The following DAB1 variants were observed in gnomAD, a reference collection of about 807,000 sequenced individuals.
DAB1 encodes DAB adaptor protein 1.
A neutral mutation model predicts 64.6 loss-of-function variants in DAB1; 15 were observed. The observed-to-expected ratio is 0.23, with a 90% CI of 0.16 to 0.36. The LOEUF (loss-of-function observed/expected upper bound fraction) is 0.36. DAB1 is among the 10% of genes least tolerant of loss of function. The pLI is 1.00. For synonymous variants in DAB1, 235 were observed against 251.9 expected, an observed-to-expected ratio of 0.93 and a Z score of 0.64; for missense variants, 596 against 706.7, an observed-to-expected ratio of 0.84 and a Z score of 1.78.
intron 5 of DAB1, among the ~76,000 whole-genome samples, chr1:57,896,309 C>G (rs1405294388): frequency 1.3e-5 from 2 of 151,952 alleles, no homozygotes; most frequent in Non-Finnish European, 2.9e-5. Flanking sequence ...CATATACTCA[C>G]TAAGTGTACT....
At chr1:57,975,038 C>A (rs147182175) in intron 5 of DAB1, among the ~76,000 whole-genome samples, 4 of 152,252 alleles carry the variant, frequency 2.6e-5, no homozygotes, top group Admixed American at 6.5e-5. Flanking sequence ...GTGTCGAAAT[C>A]TTAACCCCCA....
chr1:58,000,328 T>C (rs1181628678), intron 5 of DAB1, among the ~76,000 whole-genome samples: 2 of 152,162 alleles, frequency 1.3e-5, no homozygotes, highest in Non-Finnish European at 2.9e-5. Flanking sequence ...AAAGAAAATA[T>C]CTGTATGGAC....
rs149647355 is a variant in DAB1 at position 58,207,526 on chromosome 1, C to T, written n.310-56938G>A. 3.0e-3 allele frequency among the ~76,000 whole-genome samples: 450 copies of T among 152,234 alleles called. 1 individual carries two copies. The highest frequency in any genetic ancestry group is 0.01 in the Middle Eastern group (3 of 292). On this transcript the variant is annotated intron_variant and non_coding_transcript_variant, in intron 4 of 20. Coordinates refer to the DAB1 transcript ENST00000485760. ...AATATACAGCCTAGAAGTCAGAGTC[C>T]CTACTTTTAAGTTATTTATGGTCCA...
rs35389880 is a variant in DAB1 at position 58,521,328 on chromosome 1, G to GAA, written n.107+5931_107+5932dup. Among the ~76,000 whole-genome samples, 26 of 146,224 alleles carry GAA rather than the reference G, an allele frequency of 1.8e-4. No individual in the cohort carries two copies. The South Asian group carries it at 2.3e-3, about 13-fold the overall frequency. On this transcript the variant is annotated intron_variant and non_coding_transcript_variant, in intron 2 of 20. Coordinates refer to the DAB1 transcript ENST00000485760. ...TGTACGGCCTTAAATGTATGTACTAGAAAAAAAAAAGAGTTTAAAATAAAT... is the reference window on the plus strand; with the variant it reads ...TGTACGGCCTTAAATGTATGTACTAGAAAAAAAAAAAAGAGTTTAAAATAAAT...
chr1:58,529,951 G>T (rs772516868), intron 1 of DAB1, among the ~76,000 whole-genome samples: 1 of 151,944 alleles, frequency 6.6e-6, no homozygotes, highest in Non-Finnish European at 1.5e-5. Context: ...CGCAATCTCG[G>T]CTCACAGCAA....
chr1:58,123,834 A>C (rs553215395), intron 5 of DAB1, among the ~76,000 whole-genome samples: 46 of 152,300 alleles, frequency 3.0e-4, no homozygotes, highest in Non-Finnish European at 5.4e-4. Flanking sequence ...GAGCAAAGGG[A>C]AATAATCATT....
intron 3 of DAB1, among the ~76,000 whole-genome samples, chr1:57,143,975 T>A (rs538031897): frequency 1.3e-5 from 2 of 151,654 alleles, no homozygotes; most frequent in Non-Finnish European, 2.9e-5. Flanking sequence ...TATTGTTAGA[T>A]GAAGGGGAAA....
Position 57,459,825 on chromosome 1 carries a change from G to A in DAB1, n.626-168659C>T, listed in dbSNP as rs140924918. Among the ~76,000 whole-genome samples the A allele has an allele frequency of 3.3e-5, 5 of 152,130 alleles. No individual in the cohort carries two copies. The East Asian group carries it at 5.8e-4, about 18-fold the overall frequency. On this transcript the variant is annotated intron_variant and non_coding_transcript_variant, in intron 7 of 20. Transcript: ENST00000485760. ...TCTCATTCTTCTTCCTGGAGCTAGC[G>A]TTGAGGAGAAGAAAACTATTTTAGT...
intron 2 of DAB1, among the ~76,000 whole-genome samples, chr1:57,169,826 C>T (rs1461449792): frequency 6.6e-6 from 1 of 152,008 alleles, no homozygotes; most frequent in Non-Finnish European, 1.5e-5. Flanking sequence ...TTAACTGACT[C>T]CTACCCTGCT....
chr1:58,444,048 G>A (rs1309480284), intron 3 of DAB1, among the ~76,000 whole-genome samples: 2 of 152,172 alleles, frequency 1.3e-5, no homozygotes, highest in Non-Finnish European at 2.9e-5. Context: ...AATAGTAATT[G>A]CTGACTTGTT....
intron 7 of DAB1, among the ~76,000 whole-genome samples, chr1:57,503,847 G>A (rs145618786): frequency 1.3e-5 from 2 of 152,280 alleles, no homozygotes; most frequent in African/African-American, 4.8e-5. Flanking sequence ...TCTCTTTTCT[G>A]CTCTTAGTAC....
At chr1:57,621,425 C>T (rs1570681069) in intron 7 of DAB1, among the ~76,000 whole-genome samples, 1 of 151,624 alleles carries the variant, frequency 6.6e-6, no homozygotes, top group African/African-American at 2.4e-5. Context: ...AACTCATGAA[C>T]CCTCACTGAA....
At chr1:57,161,851 A>G (rs562659696) in intron 2 of DAB1, among the ~76,000 whole-genome samples, 3 of 137,780 alleles carry the variant, frequency 2.2e-5, no homozygotes, top group African/African-American at 8.1e-5. Context: ...CCCATTCTTC[A>G]AAAAAAAAAA....
intron 2 of DAB1, among the ~76,000 whole-genome samples, chr1:58,517,626 T>C (rs1326454087): frequency 6.6e-6 from 1 of 150,568 alleles, no homozygotes. Context: ...TTTGTTAAAA[T>C]TATTTATTAA....
intron 5 of DAB1, among the ~76,000 whole-genome samples, chr1:58,138,303 G>A (rs1361740313): frequency 1.3e-5 from 2 of 152,076 alleles, no homozygotes; most frequent in African/African-American, 4.8e-5. Flanking sequence ...AGGACTCTTG[G>A]ACTTCAAACT....
chr1:57,159,156 A>G (rs1480577659), intron 2 of DAB1, among the ~76,000 whole-genome samples: 1 of 151,638 alleles, frequency 6.6e-6, no homozygotes, highest in Non-Finnish European at 1.5e-5. Flanking sequence ...GCAAAGGTCT[A>G]CTAGTATTTA....
intron 7 of DAB1, among the ~76,000 whole-genome samples, chr1:57,614,248 C>A (rs946554542): frequency 1.3e-5 from 2 of 152,164 alleles, no homozygotes; most frequent in East Asian, 3.8e-4. Context: ...ATGTTCACAG[C>A]AAATTCAAAG....
chr1:57,227,837 G>T (rs182662487), intron 2 of DAB1, among the ~76,000 whole-genome samples: 2 of 152,132 alleles, frequency 1.3e-5, no homozygotes, highest in South Asian at 4.2e-4. Flanking sequence ...GGTTACAGGC[G>T]TGAGCCACTG....
chr1:57,654,719 A>G (rs958084307), intron 6 of DAB1, among the ~76,000 whole-genome samples: 3 of 151,776 alleles, frequency 2.0e-5, no homozygotes, highest in Non-Finnish European at 4.4e-5. Context: ...TAACTGTTTC[A>G]TTTATTTTCT....
Sources: gnomAD v4.1 joint callset for allele counts (sites outside exome capture counted in the v4.1 genomes callset) on GRCh38, gnomAD v4.1.1 for gene constraint, MANE v1.5 for transcripts, NCBI Gene and HGNC (gene_info 2026-07-23, HGNC 2026-07-21) for gene names.